The following CHST9 variants were observed in gnomAD, a reference collection of about 807,000 sequenced individuals.
CHST9 encodes the protein carbohydrate sulfotransferase 9, also known as GalNAc-4-sulfotransferase 2.
Under a neutral mutation model 44.4 loss-of-function variants are expected in CHST9, and 41 were observed. That is an observed-to-expected ratio of 0.92 (90% CI 0.72 to 1.20). The LOEUF is 1.20. Ranked by LOEUF, CHST9 falls within the 50% of genes most tolerant of loss-of-function variation. The pLI is 0.00. For synonymous variants in CHST9, 171 were observed against 178.4 expected (o/e 0.96, Z 0.33); for missense variants, 504 against 516.5 (o/e 0.98, Z 0.23).
chr18:27,182,175 T>G (rs9951209), intron 1 of CHST9, among the ~76,000 whole-genome samples: 104,342 of 151,414 alleles, frequency 0.69, 36,097 homozygotes, highest in East Asian at 0.79. Context: ...ATGGTGAAAC[T>G]GTTTCTCCTC....
At chr18:27,009,393 C>T (rs143439213) in intron 4 of CHST9, among the ~76,000 whole-genome samples, 8 of 152,258 alleles carry the variant, frequency 5.3e-5, no homozygotes, top group Non-Finnish European at 5.9e-5. Flanking sequence ...GTGTTCTGCA[C>T]TCATTATTGC....
At chr18:27,008,713 A>G (rs2057046869) in intron 4 of CHST9, among the ~76,000 whole-genome samples, 1 of 152,010 alleles carries the variant, frequency 6.6e-6, no homozygotes, top group Non-Finnish European at 1.5e-5. Flanking sequence ...GTCCTCTTGT[A>G]TCTATCTCTT....
At chr18:27,119,566 T>A (rs1391320443) in intron 2 of CHST9, among the ~76,000 whole-genome samples, 2 of 152,184 alleles carry the variant, frequency 1.3e-5, no homozygotes, top group African/African-American at 4.8e-5. Flanking sequence ...AGTCTCTAGC[T>A]ATTTTCACAG....
chr18:27,041,384 T>C (rs1427833470), intron 3 of CHST9, among the ~76,000 whole-genome samples: 2 of 152,144 alleles, frequency 1.3e-5, no homozygotes, highest in East Asian at 3.9e-4. Context: ...AACACATACA[T>C]GTTGTTTGTG....
intron 1 of CHST9, among the ~76,000 whole-genome samples, chr18:27,161,450 G>C (rs2143929790): frequency 6.6e-6 from 1 of 152,238 alleles, no homozygotes; most frequent in African/African-American, 2.4e-5. Flanking sequence ...CTGAGTTCTA[G>C]TTTGATTGCA....
chr18:27,125,305 G>GT (rs1188040428), intron 2 of CHST9, among the ~76,000 whole-genome samples: 1 of 152,160 alleles, frequency 6.6e-6, no homozygotes, highest in African/African-American at 2.4e-5. Flanking sequence ...CATGAAATAT[G>GT]TAAGTATTTA....
At chr18:27,142,622 A>C in intron 2 of CHST9, 67 bp downstream of exon 2, 1 of 1,138,284 alleles carries the variant, frequency 8.8e-7, no homozygotes, top group Middle Eastern at 2.1e-4. Context: ...TAAGCATCAC[A>C]ACTAATTTAA....
intron 2 of CHST9, among the ~76,000 whole-genome samples, chr18:27,065,497 G>A (rs752340015): frequency 9.2e-5 from 14 of 151,544 alleles, no homozygotes; most frequent in Non-Finnish European, 1.3e-4. Context: ...GGTTATTCAA[G>A]TGAGACTCCT....
chr18:27,164,955 C>T (rs552915894), intron 1 of CHST9, among the ~76,000 whole-genome samples: 10 of 152,198 alleles, frequency 6.6e-5, no homozygotes, highest in South Asian at 6.2e-4. Flanking sequence ...ATCTACCTCT[C>T]GGAAAGATAC....
chr18:27,113,983 G>A (rs189436008), intron 2 of CHST9, among the ~76,000 whole-genome samples: 5 of 152,252 alleles, frequency 3.3e-5, no homozygotes, highest in East Asian at 3.9e-4. Flanking sequence ...AATGTTAGGG[G>A]TGAACATAAT....
chr18:27,133,686 T>G (rs564891173), intron 2 of CHST9, among the ~76,000 whole-genome samples: 1 of 152,220 alleles, frequency 6.6e-6, no homozygotes, highest in South Asian at 2.1e-4. Context: ...TGCCATGAAG[T>G]AAATTTTAAA....
At chr18:27,156,010 A>T (rs565987497) in intron 1 of CHST9, among the ~76,000 whole-genome samples, 1 of 152,246 alleles carries the variant, frequency 6.6e-6, no homozygotes, top group Admixed American at 6.5e-5. Flanking sequence ...GAAGTAGGAA[A>T]CATATTATAA....
intron 4 of CHST9, among the ~76,000 whole-genome samples, chr18:26,950,093 C>T (rs907859314): frequency 1.3e-5 from 2 of 152,178 alleles, no homozygotes; most frequent in Admixed American, 1.3e-4. Flanking sequence ...TGATTTGTTA[C>T]AGCAGCAAAA....
At chr18:27,102,543 G>A (rs998842778) in intron 2 of CHST9, among the ~76,000 whole-genome samples, 2 of 152,168 alleles carry the variant, frequency 1.3e-5, no homozygotes, top group Non-Finnish European at 2.9e-5. Flanking sequence ...TGCACATGTA[G>A]CATTCTTCAT....
intron 3 of CHST9, among the ~76,000 whole-genome samples, chr18:27,040,794 A>G (rs1445535723): frequency 6.6e-6 from 1 of 152,138 alleles, no homozygotes; most frequent in East Asian, 1.9e-4. Context: ...GGTCATTTCT[A>G]TTTAAAAGAA....
At chr18:26,949,249 G>T (rs977547649) in intron 4 of CHST9, among the ~76,000 whole-genome samples, 1 of 152,196 alleles carries the variant, frequency 6.6e-6, no homozygotes, top group Non-Finnish European at 1.5e-5. Flanking sequence ...TTCTGAAGTA[G>T]GTTCTGGAGA....
At chr18:27,062,942 GAGCC>G (rs1338254889) in intron 2 of CHST9, among the ~76,000 whole-genome samples, 1 of 152,076 alleles carries the variant, frequency 6.6e-6, no homozygotes, top group African/African-American at 2.4e-5. Context: ...TTACTGCCGG[GAGCC>G]AACCACTCTT....
intron 5 of CHST9, among the ~76,000 whole-genome samples, chr18:26,941,325 A>G (rs2056078887): frequency 6.6e-6 from 1 of 152,186 alleles, no homozygotes; most frequent in Admixed American, 6.5e-5. Context: ...GCACAAACAC[A>G]AGGTATTAAT....
At chr18:26,984,744 A>AG (rs1217448502) in intron 4 of CHST9, among the ~76,000 whole-genome samples, 2 of 151,668 alleles carry the variant, frequency 1.3e-5, no homozygotes, top group African/African-American at 4.8e-5. Context: ...AAAAAAAAAA[A>AG]AGAAATTGAA....
Sources: gnomAD v4.1 joint callset for allele counts (sites outside exome capture counted in the v4.1 genomes callset) on GRCh38, gnomAD v4.1.1 for gene constraint, MANE v1.5 for transcripts, NCBI Gene and HGNC (gene_info 2026-07-23, HGNC 2026-07-21) for gene names.